The following ENTPD3 variants were observed in gnomAD, a reference collection of about 807,000 sequenced individuals.
ENTPD3 encodes CD39 antigen-like 3.
Under a neutral mutation model 51.2 loss-of-function variants are expected in ENTPD3, and 60 were observed. That is an observed-to-expected ratio of 1.17 (90% CI 0.95 to 1.45). The LOEUF (loss-of-function observed/expected upper bound fraction) is 1.45. Among genes scored for constraint, ENTPD3 ranks in the 40% most tolerant of loss-of-function variants. The probability of loss-of-function intolerance (pLI) is 0.00; values close to 1 mark genes in which losing one functional copy is unlikely to be tolerated. For missense variants in ENTPD3, 593 were observed against 641.1 expected, an observed-to-expected ratio of 0.93 and a Z score of 0.81; for synonymous variants, 221 against 238.4, an observed-to-expected ratio of 0.93 and a Z score of 0.67.
chr3:40,401,950 TTATG>T (rs1228996063), intron 4 of ENTPD3, among the ~76,000 whole-genome samples: 3 of 151,824 alleles, frequency 2.0e-5, no homozygotes, highest in Non-Finnish European at 2.9e-5. Context: ...TAGTTTTGTC[TTATG>T]TATGTAGTGT....
chr3:40,394,494 A>C (rs1955148531), intron 3 of ENTPD3: 1 of 157,346 alleles, frequency 6.4e-6, no homozygotes, highest in Non-Finnish European at 1.4e-5. Flanking sequence ...CCCTCATTAC[A>C]TCACTTAGTT....
rs1239569250 is a variant in ENTPD3, at chr3:40,400,948, T to C, written c.223T>C (p.Trp75Arg). The C allele has an allele frequency of 1.9e-6, 3 of 1,614,040 alleles. No homozygotes were observed. Among genetic ancestry groups the C allele is most frequent in the Non-Finnish European group, 1.7e-6 (2 of 1,180,016 alleles). Residue 75 changes from tryptophan (W) to arginine (R), a missense_variant, in exon 4 of 11, where the codon TGG becomes CGG. Coordinates refer to ENST00000301825, the MANE Select transcript of ENTPD3 (RefSeq NM_001248.4). ...AAGAACCACAGTCTACGTGTATCAATGGCCAGCAGAAAAAGAGAATAATAC... is the reference window on the plus strand; with the variant it reads ...AAGAACCACAGTCTACGTGTATCAACGGCCAGCAGAAAAAGAGAATAATAC... ...SSRTTVYVYQWPAEKENNTGV... is the reference protein window; with the variant it reads ...SSRTTVYVYQRPAEKENNTGV...
In ENTPD3 at chr3:40,414,760, G is replaced by C; in HGVS notation, c.517G>C (p.Gly173Arg). 1.2e-6 allele frequency: 2 copies of C among 1,614,032 alleles called. No individual in the cohort carries two copies. The highest frequency in any genetic ancestry group is 8.5e-7 in the Non-Finnish European group (1 of 1,179,948). The change falls in exon 6 of 11, where the codon GGT becomes CGT. Residue 173 changes from glycine to arginine, a missense_variant. Transcript: ENST00000301825. ...CAAGTCCCAGCCCTTTGACTTTAGG[G>C]GTGCTCAAATCATTTCTGGGCAAGA... is the stretch of plus-strand genomic sequence containing the variant. ...YFKSQPFDFR[G>R]AQIISGQEEG...
intron 2 of ENTPD3, among the ~76,000 whole-genome samples, chr3:40,389,890 G>T (rs1475777235): frequency 1.3e-5 from 2 of 152,162 alleles, no homozygotes; most frequent in African/African-American, 4.8e-5. Context: ...AATGATCTAG[G>T]AATAATGTTC....
rs781372741 is a variant in ENTPD3, at chr3:40,422,898, T to TA, written c.881dup (p.Tyr294Ter). 2 of 1,613,952 alleles carry TA rather than the reference T, an allele frequency of 1.2e-6. No homozygotes were observed. Among genetic ancestry groups the TA allele is most frequent in the South Asian group, 2.2e-5 (2 of 91,062 alleles). Residue 294 changes from tyrosine to a stop codon, truncating the protein, a stop_gained and frameshift_variant, in exon 8 of 11, where the codon TAT becomes TAAT. Transcript: ENST00000301825. LOFTEE classifies it high-confidence loss of function. Reference protein sequence around the residue: ...HLTNPCYPRDYSISFTMGHVF... With the variant: ...HLTNPCYPRD ...CACCAATCCCTGTTACCCTCGGGAT[T>TA]ATAGCATCAGCTTCACCATGGGCCA...
chr3:40,402,044 C>T (rs1247242204), intron 4 of ENTPD3, among the ~76,000 whole-genome samples: 4 of 150,852 alleles, frequency 2.7e-5, no homozygotes, highest in Non-Finnish European at 5.9e-5. Flanking sequence ...GCTTTGTTCA[C>T]TAACAACATT....
chr3:40,421,081 T>G (rs993820300), intron 7 of ENTPD3, among the ~76,000 whole-genome samples: 1 of 151,420 alleles, frequency 6.6e-6, no homozygotes, highest in Non-Finnish European at 1.5e-5. Context: ...TGGAGTGTAA[T>G]GGTGCAATCT....
At chr3:40,427,067 A>T (rs561365676) in intron 10 of ENTPD3, among the ~76,000 whole-genome samples, 1 of 152,052 alleles carries the variant, frequency 6.6e-6, no homozygotes, top group African/African-American at 2.4e-5. Context: ...TGTTCTTTTG[A>T]CTATTTCTTC....
Position 40,415,753 on chromosome 3 carries a change from T to C in ENTPD3, c.598-87T>C, listed in dbSNP as rs1002682152. ...CTCCCTCTGTCCTACTTCTTAGTAA[T>C]AGGAGACGAGGCTTGGGTGGAGAAC... On this transcript the variant is annotated intron_variant, in intron 6 of 10. Coordinates refer to ENST00000301825, the MANE Select transcript of ENTPD3 (RefSeq NM_001248.4). 7 of 971,492 alleles carry C rather than the reference T, an allele frequency of 7.2e-6. No homozygotes were observed. In the South Asian group the frequency reaches 9.0e-5, roughly 12 times the overall value. 60.2% of individuals were successfully genotyped at this position (971,492 alleles called of 1,614,324 possible).
chr3:40,395,219 G>A (rs1250067332), intron 3 of ENTPD3, among the ~76,000 whole-genome samples: 1 of 152,214 alleles, frequency 6.6e-6, no homozygotes, highest in Non-Finnish European at 1.5e-5. Flanking sequence ...GAAATGGGCT[G>A]GTTAAGGCAG....
rs777736809 is a variant in ENTPD3, at chr3:40,415,910, C to T, written c.668C>T (p.Ala223Val). Reference sequence around the variant, plus strand: ...ACGGGTGCCCTGGACTTAGGTGGTGCCTCCACCCAAATATCCTTCGTGGCA... The same window carrying T: ...ACGGGTGCCCTGGACTTAGGTGGTGTCTCCACCCAAATATCCTTCGTGGCA... ...ETTGALDLGG[A>V]STQISFVAGE... Residue 223 changes from alanine to valine, a missense_variant, in exon 7 of 11, where the codon GCC becomes GTC. Transcript: ENST00000301825. 7 of 1,614,026 alleles carry T rather than the reference C, an allele frequency of 4.3e-6. No homozygotes were observed. In the Admixed American group the frequency reaches 6.7e-5, roughly 15 times the overall value.
chr3:40,413,062 C>G (rs541102902), intron 5 of ENTPD3, among the ~76,000 whole-genome samples: 2 of 152,314 alleles, frequency 1.3e-5, no homozygotes, highest in South Asian at 4.1e-4. Flanking sequence ...AAGGCAGCCC[C>G]TTTACAGGCT....
At position 40,427,884 on chromosome 3, in the gene ENTPD3, G is replaced by T; in HGVS notation, c.*376G>T. 1 of 237,222 alleles carries T rather than the reference G, an allele frequency of 4.2e-6. No homozygotes were observed. The allele number at this position is 237,222 out of a possible 1,614,324, so 14.7% of individuals were successfully genotyped here. On this transcript the variant is annotated 3_prime_UTR_variant, in exon 11 of 11. Coordinates refer to ENST00000301825, the MANE Select transcript of ENTPD3 (RefSeq NM_001248.4). ...ATTTCCCTCCCTCAGTATTCTTCCT[G>T]GCAAGATACCCATTAAGCATTTCGC...
intron 3 of ENTPD3, among the ~76,000 whole-genome samples, chr3:40,395,965 A>G (rs1487939455): frequency 2.6e-5 from 4 of 152,192 alleles, no homozygotes; most frequent in Non-Finnish European, 5.9e-5. Context: ...AAATAGCAGA[A>G]CTGGTGTAAA....
Position 40,402,115 on chromosome 3 carries a change from T to TTTTTC in ENTPD3, c.286+1108_286+1109insCTTTT, listed in dbSNP as rs1559510471. 1.6e-4 allele frequency among the ~76,000 whole-genome samples: 5 copies of TTTTTC among 31,784 alleles called. No homozygotes were observed. In the South Asian group the frequency reaches 0.01, roughly 65 times the overall value. The allele number at this position is 31,784 out of a possible 152,430, so 20.9% of individuals were successfully genotyped here. Reference sequence around the variant, plus strand: ...CTATCTTGTTCATTTCCTTTCCTTTTTTTTTTTCTTTTTTTTTTTTTGAGA... The same window carrying TTTTTC: ...CTATCTTGTTCATTTCCTTTCCTTTTTTTTCTTTTTTTCTTTTTTTTTTTTTGAGA... On this transcript the variant is annotated intron_variant, in intron 4 of 10. Transcript: ENST00000301825.
At chr3:40,401,774 C>T (rs531719351) in intron 4 of ENTPD3, among the ~76,000 whole-genome samples, 2 of 152,286 alleles carry the variant, frequency 1.3e-5, no homozygotes, top group South Asian at 4.1e-4. Context: ...ACTCTCTTAG[C>T]TCACAGGCTG....
chr3:40,399,090 T>C (rs958590284), intron 3 of ENTPD3, among the ~76,000 whole-genome samples: 1 of 152,062 alleles, frequency 6.6e-6, no homozygotes, highest in Non-Finnish European at 1.5e-5. Context: ...GGTGTGATGG[T>C]GCACACCTGT....
At chr3:40,390,747 T>C (rs906902944) in intron 2 of ENTPD3, among the ~76,000 whole-genome samples, 5 of 152,274 alleles carry the variant, frequency 3.3e-5, no homozygotes, top group African/African-American at 1.2e-4. Flanking sequence ...CTTTGAAAGG[T>C]TTGATGAGTT....
chr3:40,416,701 C>T (rs546178109), intron 7 of ENTPD3, among the ~76,000 whole-genome samples: 9 of 152,288 alleles, frequency 5.9e-5, no homozygotes, highest in African/African-American at 2.2e-4. Context: ...CATGAGGGCA[C>T]TAACTCCACA....
Sources: allele counts gnomAD v4.1 joint callset (sites outside exome capture counted in the v4.1 genomes callset), GRCh38; gene constraint gnomAD v4.1.1; transcripts MANE v1.5; gene names NCBI Gene and HGNC (gene_info 2026-07-23, HGNC 2026-07-21).